The following ZSWIM5 variants were observed in gnomAD, a reference collection of about 807,000 sequenced individuals.
ZSWIM5 encodes zinc finger SWIM-type containing 5.
Under a neutral mutation model 119.6 loss-of-function variants are expected in ZSWIM5, and 55 were observed. That is an observed-to-expected ratio of 0.46 (90% CI 0.37 to 0.58). The LOEUF is 0.58. Ranked by LOEUF, ZSWIM5 falls within the 20% of genes least tolerant of loss-of-function variation. ZSWIM5 has a pLI of 0.00. For synonymous variants in ZSWIM5, 537 were observed against 606.9 expected (o/e 0.88, Z 1.69); for missense variants, 1,193 against 1,512.8 (o/e 0.79, Z 3.51).
intron 2 of ZSWIM5, among the ~76,000 whole-genome samples, chr1:45,086,396 T>C (rs1011601212): frequency 3.3e-5 from 5 of 152,204 alleles, no homozygotes; most frequent in African/African-American, 9.6e-5. Flanking sequence ...CAAAAAACTT[T>C]AGAGAAATTC....
At chr1:45,095,690 G>A (rs1398608461) in intron 1 of ZSWIM5, among the ~76,000 whole-genome samples, 3 of 152,120 alleles carry the variant, frequency 2.0e-5, no homozygotes, top group East Asian at 1.9e-4. Flanking sequence ...TCATGCTGTT[G>A]AGGAATGACC....
At chr1:45,095,645 A>G (rs942752449) in intron 1 of ZSWIM5, among the ~76,000 whole-genome samples, 1 of 152,200 alleles carries the variant, frequency 6.6e-6, no homozygotes, top group African/African-American at 2.4e-5. Context: ...ATTGCATCAC[A>G]TCAGGAGACA....
intron 7 of ZSWIM5, among the ~76,000 whole-genome samples, chr1:45,040,044 C>T (rs1223571883): frequency 6.6e-6 from 1 of 151,438 alleles, no homozygotes; most frequent in East Asian, 2.0e-4. Flanking sequence ...CACCATGTTG[C>T]CCAGGCTGGT....
intron 1 of ZSWIM5, among the ~76,000 whole-genome samples, chr1:45,200,435 T>G (rs1193404147): frequency 6.6e-6 from 1 of 152,202 alleles, no homozygotes; most frequent in African/African-American, 2.4e-5. Context: ...TTATCTGGAA[T>G]AAATTATTAT....
rs527333719 is a variant in ZSWIM5, at chr1:45,072,203, C to A, written c.953-11956G>T. On this transcript the variant is annotated intron_variant, in intron 2 of 13. Coordinates refer to ENST00000359600, the MANE Select transcript of ZSWIM5 (RefSeq NM_020883.2). The surrounding 1 kb of genome is among the most constrained non-coding windows in gnomAD (Gnocchi z 4.1). ...GATATTGAGTACCTTTTCATATACT[C>A]ATTTGCCACTTGTATGTCGTCTTTT... Among the ~76,000 whole-genome samples, 2 of 152,030 alleles carry A rather than the reference C, an allele frequency of 1.3e-5. No homozygotes were observed. Among genetic ancestry groups the A allele is most frequent in the South Asian group, 4.1e-4 (2 of 4,824 alleles).
At chr1:45,125,039 C>T (rs1464303224) in intron 1 of ZSWIM5, among the ~76,000 whole-genome samples, 1 of 151,722 alleles carries the variant, frequency 6.6e-6, no homozygotes, top group African/African-American at 2.4e-5. Flanking sequence ...AGAAAATCAA[C>T]AAGGAATAAA....
chr1:45,068,107 C>CTTTTTTT (rs71040545), intron 2 of ZSWIM5, among the ~76,000 whole-genome samples: 1 of 113,288 alleles, frequency 8.8e-6, no homozygotes, highest in African/African-American at 3.4e-5. Context: ...TTTTTTTTTT[C>CTTTTTTT]TTTTTTTTTT....
At chr1:45,066,130 G>A (rs900546289) in intron 2 of ZSWIM5, among the ~76,000 whole-genome samples, 1 of 149,048 alleles carries the variant, frequency 6.7e-6, no homozygotes, top group Non-Finnish European at 1.5e-5. Context: ...TTTTGTCCTT[G>A]CGATAGTTTG....
intron 1 of ZSWIM5, among the ~76,000 whole-genome samples, chr1:45,096,457 TGTGTGC>T (rs1645402866): frequency 6.9e-6 from 1 of 144,318 alleles, no homozygotes; most frequent in African/African-American, 2.9e-5. Context: ...TGTGTGTGTG[TGTGTGC>T]GTGTGTGTGC....
chr1:45,139,868 G>A (rs1025440764), intron 1 of ZSWIM5, among the ~76,000 whole-genome samples: 7 of 151,182 alleles, frequency 4.6e-5, no homozygotes, highest in Non-Finnish European at 1.0e-4. Flanking sequence ...AAGTCCTTCA[G>A]GCAGAAGGAA....
At chr1:45,168,092 A>G (rs1016619517) in intron 1 of ZSWIM5, among the ~76,000 whole-genome samples, 10 of 152,136 alleles carry the variant, frequency 6.6e-5, no homozygotes, top group African/African-American at 2.4e-4. Flanking sequence ...CATCAATGAT[A>G]GACTGGATTA....
At chr1:45,035,375 C>A (rs1052957950) in intron 10 of ZSWIM5, among the ~76,000 whole-genome samples, 3 of 152,130 alleles carry the variant, frequency 2.0e-5, no homozygotes, top group African/African-American at 7.2e-5. Context: ...AGGGCTCAGA[C>A]CCCTTCTCAG....
intron 1 of ZSWIM5, among the ~76,000 whole-genome samples, chr1:45,150,108 T>A (rs1645787275): frequency 6.9e-6 from 1 of 145,614 alleles, no homozygotes; most frequent in African/African-American, 2.6e-5. Context: ...AGTTCGAGGC[T>A]GCAATGAGCT....
At chr1:45,136,402 C>A (rs1215486091) in intron 1 of ZSWIM5, among the ~76,000 whole-genome samples, 2 of 152,126 alleles carry the variant, frequency 1.3e-5, no homozygotes, top group African/African-American at 2.4e-5. Flanking sequence ...TGAGCCACCG[C>A]ATCCGGCCCA....
intron 2 of ZSWIM5, among the ~76,000 whole-genome samples, chr1:45,082,271 T>TCCTATGA (rs1465640162): frequency 6.7e-6 from 1 of 149,368 alleles, no homozygotes; most frequent in East Asian, 2.0e-4. Flanking sequence ...TCCACTATTG[T>TCCTATGA]CCTATGACCC....
chr1:45,039,069 C>T lies in ZSWIM5; in HGVS notation c.1761G>A (p.Leu587=). The part of the protein sequence containing the change: ...LEIYKHQKKE[L]LQRGTTTITN... Reference sequence around the variant, plus strand: ...TGATGGTTGTGGTTCCTCTCTGCAACAGTTCTGGAAACAAGCAGGTTAAAA... The same window carrying T: ...TGATGGTTGTGGTTCCTCTCTGCAATAGTTCTGGAAACAAGCAGGTTAAAA... The change falls in exon 8 of 14, where the codon CTG becomes CTA. Residue 587 remains leucine, a synonymous_variant. Transcript: ENST00000359600. The T allele has an allele frequency of 6.2e-7, 1 of 1,614,122 alleles. No individual in the cohort carries two copies. Among genetic ancestry groups the T allele is most frequent in the Non-Finnish European group, 8.5e-7 (1 of 1,179,978 alleles).
At chr1:45,149,497 A>G (rs1645783041) in intron 1 of ZSWIM5, among the ~76,000 whole-genome samples, 1 of 152,232 alleles carries the variant, frequency 6.6e-6, no homozygotes. Context: ...AAGTAATTTC[A>G]CATATTGGCA....
chr1:45,028,620 G>A, intron 11 of ZSWIM5, among the ~76,000 whole-genome samples: 1 of 152,014 alleles, frequency 6.6e-6, no homozygotes, highest in East Asian at 1.9e-4. Context: ...GCTGGGCATG[G>A]TGGCAGGCAC....
chr1:45,162,705 C>T (rs895066306), intron 1 of ZSWIM5, among the ~76,000 whole-genome samples: 5 of 151,380 alleles, frequency 3.3e-5, no homozygotes, highest in Admixed American at 6.6e-5. Context: ...TCCACGCCCA[C>T]GGAGCCTTGC....
Sources: gnomAD v4.1 joint callset for allele counts (sites outside exome capture counted in the v4.1 genomes callset) on GRCh38, gnomAD v4.1.1 for gene constraint, Gnocchi (gnomAD v3.1) non-coding constraint, MANE v1.5 for transcripts, NCBI Gene and HGNC (gene_info 2026-07-23, HGNC 2026-07-21) for gene names.